The following FREM2 variants were observed in gnomAD, a reference collection of about 807,000 sequenced individuals.
FREM2 encodes FRAS1-related extracellular matrix protein 2.
FREM2 carries 119 observed loss-of-function variants against 219.9 expected under a neutral mutation model. The ratio of observed to expected loss-of-function variants is 0.54; its 90% CI spans 0.47 to 0.63. FREM2 has a LOEUF of 0.63. Among genes scored for constraint, FREM2 ranks in the 30% least tolerant of loss-of-function variants. The probability of loss-of-function intolerance (pLI) is 0.00; values close to 1 mark genes in which losing one functional copy is unlikely to be tolerated. For synonymous variants in FREM2, 1,562 were observed against 1,522.8 expected, an observed-to-expected ratio of 1.03 and a Z score of -0.60; for missense variants, 4,030 against 3,993.6, an observed-to-expected ratio of 1.01 and a Z score of -0.25.
In FREM2 at chr13:38,839,815, T is replaced by C. The variant is rs115185012; in HGVS notation, c.6020-6758T>C. On this transcript the variant is annotated intron_variant, in intron 6 of 23. Coordinates refer to ENST00000280481, the MANE Select transcript of FREM2 (RefSeq NM_207361.6). ...GTGGACACCCCTTCCCACACCAAGCTCAAGTGTCCCAGGTTGACTTCAGTC... is the reference window on the plus strand; with the variant it reads ...GTGGACACCCCTTCCCACACCAAGCCCAAGTGTCCCAGGTTGACTTCAGTC... Among the ~76,000 whole-genome samples the C allele has an allele frequency of 7.5e-3, 1,136 of 152,178 alleles. 17 individuals carry two copies. The highest frequency in any genetic ancestry group is 0.026 in the African/African-American group (1,086 of 41,530).
At chr13:38,755,271 A>T (rs554983508) in intron 2 of FREM2, among the ~76,000 whole-genome samples, 6 of 152,138 alleles carry the variant, frequency 3.9e-5, no homozygotes, top group African/African-American at 1.4e-4. Context: ...CAGTTGCCCA[A>T]CATCTGCACA....
intron 2 of FREM2, among the ~76,000 whole-genome samples, chr13:38,724,098 G>T (rs759050366): frequency 1.3e-5 from 2 of 152,070 alleles, no homozygotes; most frequent in African/African-American, 2.4e-5. Flanking sequence ...GCATATCCAG[G>T]CTCTAAGAAG....
chr13:38,724,833 G>A (rs182224957), intron 2 of FREM2, among the ~76,000 whole-genome samples: 10 of 152,226 alleles, frequency 6.6e-5, no homozygotes, highest in African/African-American at 2.4e-4. Flanking sequence ...CCAGACTTTT[G>A]TTGCAGTAGC....
At position 38,797,984 on chromosome 13, in the gene FREM2, G is replaced by T. The variant is rs112332023; in HGVS notation, c.6019+13176G>T. The stretch of plus-strand genomic sequence containing the variant: ...TTTTCTTTCTTTCTCTTGCCTGATT[G>T]CTGTGGGGAGGACTTTCAGTAGTTT... On this transcript the variant is annotated intron_variant, in intron 6 of 23. Coordinates refer to ENST00000280481, the MANE Select transcript of FREM2 (RefSeq NM_207361.6). 2.4e-3 allele frequency among the ~76,000 whole-genome samples: 372 copies of T among 152,070 alleles called. 1 individual carries two copies. Among genetic ancestry groups the T allele is most frequent in the African/African-American group, 8.4e-3 (348 of 41,500 alleles).
chr13:38,878,112 C>T lies in FREM2; in HGVS notation c.8672-22C>T, dbSNP rs766137816. The stretch of plus-strand genomic sequence containing the variant: ...ATACCTTATCATATAACAGAAATAA[C>T]ATTTCCACATCTCTATTTCAGGTGA... On this transcript the variant is annotated intron_variant, in intron 21 of 23. Transcript: ENST00000280481. The T allele has an allele frequency of 1.9e-6, 3 of 1,595,578 alleles. No homozygotes were observed. In the African/African-American group the frequency reaches 4.0e-5, roughly 21 times the overall value.
chr13:38,849,964 C>T (rs1877305688), intron 8 of FREM2, 74 bp from the exon 9 acceptor site: 1 of 1,184,034 alleles, frequency 8.4e-7, no homozygotes, highest in East Asian at 2.4e-5. Context: ...TTATTCTTTC[C>T]ACTAAATCAC....
At chr13:38,726,879 G>C (rs1172672283) in intron 2 of FREM2, among the ~76,000 whole-genome samples, 1 of 152,072 alleles carries the variant, frequency 6.6e-6, no homozygotes, top group Non-Finnish European at 1.5e-5. Flanking sequence ...ACCTTAATTT[G>C]GAATCTGATA....
chr13:38,706,145 G>A (rs1257748346), intron 2 of FREM2, among the ~76,000 whole-genome samples: 1 of 152,062 alleles, frequency 6.6e-6, no homozygotes, highest in African/African-American at 2.4e-5. Context: ...CCTTTTTAAG[G>A]GTTGAAGTGT....
chr13:38,865,785 T>TG (rs2137926992), intron 16 of FREM2, among the ~76,000 whole-genome samples: 1 of 152,340 alleles, frequency 6.6e-6, no homozygotes, highest in African/African-American at 2.4e-5. Flanking sequence ...CAGTATAAGA[T>TG]GGTGGAATCT....
intron 2 of FREM2, among the ~76,000 whole-genome samples, chr13:38,747,641 T>C (rs938480002): frequency 6.6e-6 from 1 of 152,210 alleles, no homozygotes; most frequent in African/African-American, 2.4e-5. Context: ...AACTTATTAA[T>C]ATTATTACCA....
chr13:38,846,604 C>T lies in FREM2; in HGVS notation c.6051C>T (p.Tyr2017=), dbSNP rs760550771. 2 of 1,613,750 alleles carry T rather than the reference C, an allele frequency of 1.2e-6. No individual in the cohort carries two copies. Among genetic ancestry groups the T allele is most frequent in the Admixed American group, 1.7e-5 (1 of 59,996 alleles). ...EPIFYFGDVE[Y]SVDESAGYVE... The stretch of plus-strand genomic sequence containing the variant: ...TCTTTTACTTCGGTGATGTGGAATA[C>T]TCTGTGGATGAGAGTGCTGGCTATG... The change falls in exon 7 of 24, where the codon TAC becomes TAT. Residue 2017 remains tyrosine (Y), a synonymous_variant. Coordinates refer to ENST00000280481, the MANE Select transcript of FREM2 (RefSeq NM_207361.6).
At chr13:38,758,164 C>A (rs2137802536) in intron 2 of FREM2, among the ~76,000 whole-genome samples, 1 of 152,280 alleles carries the variant, frequency 6.6e-6, no homozygotes. Context: ...TTGACCTTGC[C>A]TTCTTTGTCT....
chr13:38,723,466 A>C (rs923866670), intron 2 of FREM2, among the ~76,000 whole-genome samples: 1 of 152,130 alleles, frequency 6.6e-6, no homozygotes, highest in Non-Finnish European at 1.5e-5. Flanking sequence ...TAAGCTAGCA[A>C]CTGGGCTTTT....
At chr13:38,731,269 A>G (rs984716139) in intron 2 of FREM2, among the ~76,000 whole-genome samples, 4 of 152,196 alleles carry the variant, frequency 2.6e-5, no homozygotes, top group Admixed American at 1.3e-4. Context: ...TTTTTCAATC[A>G]AGAAAATTAA....
chr13:38,830,794 G>C (rs1313499669), intron 6 of FREM2, among the ~76,000 whole-genome samples: 1 of 152,148 alleles, frequency 6.6e-6, no homozygotes, highest in African/African-American at 2.4e-5. Context: ...CTGGGTTGCT[G>C]TCCTGTGTCA....
At chr13:38,818,679 C>T (rs764355994) in intron 6 of FREM2, among the ~76,000 whole-genome samples, 1 of 151,920 alleles carries the variant, frequency 6.6e-6, no homozygotes, top group Non-Finnish European at 1.5e-5. Context: ...TATAAAAAAG[C>T]TGACTGGACA....
chr13:38,875,899 G>T (rs1349481480), intron 18 of FREM2, 123 bp from the exon 19 acceptor site: 2 of 938,860 alleles, frequency 2.1e-6, no homozygotes, highest in Non-Finnish European at 3.5e-6. Context: ...TGACTGCTTT[G>T]CAGCCTTCTT....
At chr13:38,873,696 A>G (rs1396309342) in intron 17 of FREM2, among the ~76,000 whole-genome samples, 1 of 152,218 alleles carries the variant, frequency 6.6e-6, no homozygotes, top group Non-Finnish European at 1.5e-5. Flanking sequence ...ACAAACATCC[A>G]TAGTGTCATG....
chr13:38,778,349 A>T (rs1873960956), intron 4 of FREM2, among the ~76,000 whole-genome samples: 1 of 152,154 alleles, frequency 6.6e-6, no homozygotes, highest in Admixed American at 6.5e-5. Flanking sequence ...CTGGCTTGGA[A>T]ATGGCTACCT....
Sources: allele counts gnomAD v4.1 joint callset (sites outside exome capture counted in the v4.1 genomes callset), GRCh38; gene constraint gnomAD v4.1.1; transcripts MANE v1.5; gene names NCBI Gene and HGNC (gene_info 2026-07-23, HGNC 2026-07-21).